DPYSL2: variants seen among roughly 807,000 people sequenced by gnomAD.
DPYSL2 encodes dihydropyrimidinase like 2.
A neutral mutation model predicts 69.9 loss-of-function variants in DPYSL2; 13 were observed. The observed-to-expected ratio is 0.19, with a 90% CI of 0.12 to 0.30. DPYSL2 has a LOEUF of 0.30. DPYSL2 is among the 10% of genes least tolerant of loss of function. The pLI is 1.00. For synonymous variants in DPYSL2, 326 were observed against 359.1 expected (o/e 0.91, Z 1.04); for missense variants, 587 against 918.9 (o/e 0.64, Z 4.67).
intron 1 of DPYSL2, among the ~76,000 whole-genome samples, chr8:26,561,646 A>T (rs1801072855): frequency 6.6e-6 from 1 of 152,036 alleles, no homozygotes; most frequent in Admixed American, 6.6e-5. Flanking sequence ...GACCAGTTTC[A>T]TAGAAGACCA....
intron 1 of DPYSL2, among the ~76,000 whole-genome samples, chr8:26,548,949 G>T (rs1563382126): frequency 1.3e-5 from 2 of 152,124 alleles, no homozygotes. Flanking sequence ...AGCACTTTGG[G>T]AAGCTGAGGC....
chr8:26,606,032 T>C (rs912066848), intron 3 of DPYSL2, among the ~76,000 whole-genome samples: 8 of 152,174 alleles, frequency 5.3e-5, no homozygotes, highest in African/African-American at 1.9e-4. Context: ...GGGAGACCAC[T>C]ACTGGCTAGA....
At chr8:26,540,420 A>T (rs1377722810) in intron 1 of DPYSL2, among the ~76,000 whole-genome samples, 4 of 152,224 alleles carry the variant, frequency 2.6e-5, no homozygotes, top group African/African-American at 7.2e-5. Context: ...GAAGGAGAAG[A>T]GAGAAAGGGG....
At chr8:26,525,418 C>A (rs1302009861) in intron 1 of DPYSL2, among the ~76,000 whole-genome samples, 1 of 152,106 alleles carries the variant, frequency 6.6e-6, no homozygotes, top group East Asian at 1.9e-4. Context: ...GATGGGATCT[C>A]ACTATGTTGC....
At chr8:26,557,955 G>C (rs563614118) in intron 1 of DPYSL2, among the ~76,000 whole-genome samples, 91 of 151,900 alleles carry the variant, frequency 6.0e-4, no homozygotes, top group Admixed American at 1.2e-3. Flanking sequence ...ATGCTTGTGA[G>C]GATGTGGAGC....
chr8:26,581,918 G>A (rs372134054), intron 1 of DPYSL2, 51 bp from the exon 2 acceptor site: 3 of 1,357,162 alleles, frequency 2.2e-6, no homozygotes, highest in Middle Eastern at 1.8e-4. Context: ...CTTAGCACCT[G>A]TTTCTCATAG....
At chr8:26,622,967 C>T (rs773886794) in intron 3 of DPYSL2, among the ~76,000 whole-genome samples, 1 of 152,088 alleles carries the variant, frequency 6.6e-6, no homozygotes, top group Non-Finnish European at 1.5e-5. Flanking sequence ...GTGTTCAGTC[C>T]TGGTTTTTAT....
rs775187895 is a variant in DPYSL2, at chr8:26,514,558, C to A, written c.233C>A (p.Pro78Gln). 4.3e-5 allele frequency: 66 copies of A among 1,526,302 alleles called. 1 individual carries two copies. The South Asian group carries it at 7.9e-4, about 18-fold the overall frequency. The allele number at this position is 1,526,302 out of a possible 1,614,324, so 94.5% of individuals were successfully genotyped here. A position where few individuals can be genotyped will look rare whatever the true frequency, so the allele number is the denominator to read the frequency against. The stretch of plus-strand genomic sequence containing the variant: ...GACGTCGCCCACTTGGGCCCGGACC[C>A]GCAGCCGCCGTACTCGCGGCAGGGC... Reference protein sequence around the residue: ...QRDVAHLGPDPQPPYSRQGRR... With the variant: ...QRDVAHLGPDQQPPYSRQGRR... The change falls in exon 1 of 14, where the codon CCG (proline) becomes CAG (glutamine). Residue 78 changes from proline to glutamine, a missense_variant. Around this residue, in one of 3 missense-constraint regions of DPYSL2, gnomAD observed 85 missense variants for 77.7 expected, o/e 1.09. Transcript: ENST00000521913. This position sits in a 1 kb window ranked among gnomAD's most constrained non-coding sequence, Gnocchi z 8.4.
In DPYSL2 at chr8:26,628,000, C is replaced by T; in HGVS notation, c.1005+60C>T. ...GTCCCTTGGGCACTGTGCAGAGCCT[C>T]AGGGAACCTGCTTCCTGCCTGTTGA... On this transcript the variant is annotated intron_variant, in intron 7 of 13. Coordinates refer to ENST00000521913, the MANE Select transcript of DPYSL2 (RefSeq NM_001197293.3). The surrounding 1 kb of genome is among the most constrained non-coding windows in gnomAD (Gnocchi z 6.9). The T allele has an allele frequency of 6.5e-7, 1 of 1,542,900 alleles. No homozygotes were observed. Among genetic ancestry groups the T allele is most frequent in the Non-Finnish European group, 8.8e-7 (1 of 1,130,926 alleles).
chr8:26,577,159 C>G (rs753551371), intron 1 of DPYSL2: 1 of 447,466 alleles, frequency 2.2e-6, no homozygotes, highest in Non-Finnish European at 4.5e-6. Flanking sequence ...TCAGGGCTCT[C>G]ATTTCCTGCA....
In DPYSL2 at chr8:26,605,678, C is replaced by T. The variant is rs1001094782; in HGVS notation, c.629-18465C>T. Reference sequence around the variant, plus strand: ...ATAATGTATTAAAAATTAATAGCTTCCCTGTATGTCATAAATAACCAATCA... The same window carrying T: ...ATAATGTATTAAAAATTAATAGCTTTCCTGTATGTCATAAATAACCAATCA... On this transcript the variant is annotated intron_variant, in intron 3 of 13. Coordinates refer to ENST00000521913, the MANE Select transcript of DPYSL2 (RefSeq NM_001197293.3). This position sits in a 1 kb window ranked among gnomAD's most constrained non-coding sequence, Gnocchi z 4.1. Among the ~76,000 whole-genome samples, 5 of 152,080 alleles carry T rather than the reference C, an allele frequency of 3.3e-5. No individual in the cohort carries two copies. Among genetic ancestry groups the T allele is most frequent in the East Asian group, 1.9e-4 (1 of 5,200 alleles).
rs1273288462 is a variant in DPYSL2 at position 26,644,723 on chromosome 8, C to T, written c.1425+632C>T. ...ACTTCCTTAGCAACCAGGTGACTTA[C>T]TCAGTTAATCCTCGTCTACTCTTGG... On this transcript the variant is annotated intron_variant, in intron 10 of 13. Transcript: ENST00000521913. This position sits in a 1 kb window ranked among gnomAD's most constrained non-coding sequence, Gnocchi z 4.5. Among the ~76,000 whole-genome samples, 1 of 152,112 alleles carries T rather than the reference C, an allele frequency of 6.6e-6. No homozygotes were observed. The highest frequency in any genetic ancestry group is 1.5e-5 in the Non-Finnish European group (1 of 68,008).
chr8:26,532,243 G>T (rs1800520058), intron 1 of DPYSL2, among the ~76,000 whole-genome samples: 2 of 152,148 alleles, frequency 1.3e-5, no homozygotes, highest in African/African-American at 4.8e-5. Flanking sequence ...GTCAGAGTTG[G>T]ATTTGAGGGA....
chr8:26,594,412 G>C (rs988815570), intron 3 of DPYSL2, among the ~76,000 whole-genome samples: 7 of 152,072 alleles, frequency 4.6e-5, no homozygotes, highest in Admixed American at 1.3e-4. Context: ...CTATAGCCAG[G>C]TGGCCTCCAG....
chr8:26,645,949 T>A (rs1803154112), intron 10 of DPYSL2, among the ~76,000 whole-genome samples: 1 of 152,112 alleles, frequency 6.6e-6, no homozygotes, highest in Non-Finnish European at 1.5e-5. Flanking sequence ...CACTGCAACG[T>A]CCGCCTCCCG....
chr8:26,589,171 C>A (rs1413563950), intron 3 of DPYSL2, among the ~76,000 whole-genome samples: 1 of 152,358 alleles, frequency 6.6e-6, no homozygotes, highest in African/African-American at 2.4e-5. Flanking sequence ...GCATTGTCAT[C>A]TCAGCCAGGG....
In DPYSL2 at chr8:26,621,700, G is replaced by C. The variant is rs1005534063; in HGVS notation, c.629-2443G>C. ...TGCCCAAGTCAAGAGCGAGGGGAAT[G>C]GGTTTCCAGAGAGAGAGAGGGCTGC... On this transcript the variant is annotated intron_variant, in intron 3 of 13. Transcript: ENST00000521913. The surrounding 1 kb of genome is among the most constrained non-coding windows in gnomAD (Gnocchi z 4.9). Among the ~76,000 whole-genome samples, 3 of 152,164 alleles carry C rather than the reference G, an allele frequency of 2.0e-5. No homozygotes were observed. Among genetic ancestry groups the C allele is most frequent in the Non-Finnish European group, 2.9e-5 (2 of 68,034 alleles).
chr8:26,644,215 C>T lies in DPYSL2; in HGVS notation c.1425+124C>T. ...GTGGAGGACATCCTAGAAGCCAGTA[C>T]TTATATGACAATATTTCTGAGGGTT... On this transcript the variant is annotated intron_variant, in intron 10 of 13. Transcript: ENST00000521913. This position sits in a 1 kb window ranked among gnomAD's most constrained non-coding sequence, Gnocchi z 4.5. The T allele has an allele frequency of 8.7e-7, 1 of 1,150,006 alleles. No individual in the cohort carries two copies. Among genetic ancestry groups the T allele is most frequent in the Non-Finnish European group, 1.2e-6 (1 of 844,206 alleles). 71.2% of individuals were successfully genotyped at this position (1,150,006 alleles called of 1,614,324 possible). A position where few individuals can be genotyped will look rare whatever the true frequency, so the allele number is the denominator to read the frequency against.
In DPYSL2 at chr8:26,654,162, G is replaced by A. The variant is rs1585577137; in HGVS notation, c.1942+765G>A. On this transcript the variant is annotated intron_variant, in intron 13 of 13. Coordinates refer to ENST00000521913, the MANE Select transcript of DPYSL2 (RefSeq NM_001197293.3). The surrounding 1 kb of genome is among the most constrained non-coding windows in gnomAD (Gnocchi z 5.0). Reference sequence around the variant, plus strand: ...TGGCAATAATAGTAGTTGCTCCCCCGTGAGGTTGTTGTGAGGGTTAAATGG... The same window carrying A: ...TGGCAATAATAGTAGTTGCTCCCCCATGAGGTTGTTGTGAGGGTTAAATGG... Among the ~76,000 whole-genome samples the A allele has an allele frequency of 6.6e-6, 1 of 152,098 alleles. No homozygotes were observed. The highest frequency in any genetic ancestry group is 1.5e-5 in the Non-Finnish European group (1 of 68,028).
Sources: allele counts gnomAD v4.1 joint callset (sites outside exome capture counted in the v4.1 genomes callset), GRCh38; gene constraint gnomAD v4.1.1; regional missense constraint gnomAD v4.1.1; non-coding constraint Gnocchi (gnomAD v3.1); transcripts MANE v1.5; gene names NCBI Gene and HGNC (gene_info 2026-07-23, HGNC 2026-07-21).